The following ACYP2 variants were observed in gnomAD, a reference collection of about 807,000 sequenced individuals.
ACYP2 encodes acylphosphatase-2.
ACYP2 carries 12 observed loss-of-function variants against 11.2 expected under a neutral mutation model. That is an observed-to-expected ratio of 1.08 (90% confidence interval 0.69 to 1.74). ACYP2 has a LOEUF of 1.74. Among genes scored for constraint, ACYP2 ranks in the 40% most tolerant of loss-of-function variants. The pLI is 0.00. For missense variants in ACYP2, 134 were observed against 101.9 expected (o/e 1.31, Z -1.35); for synonymous variants, 43 against 32.2 (o/e 1.33, Z -1.13).
At chr2:54,284,229 C>T (rs1392246291) in intron 6 of ACYP2, among the ~76,000 whole-genome samples, 1 of 152,198 alleles carries the variant, frequency 6.6e-6, no homozygotes, top group Non-Finnish European at 1.5e-5. Context: ...CCAAAGCAGG[C>T]TCCATAAACG....
At chr2:54,016,175 C>T (rs1336593016) in intron 2 of ACYP2, among the ~76,000 whole-genome samples, 1 of 151,858 alleles carries the variant, frequency 6.6e-6, no homozygotes, top group Admixed American at 6.6e-5. Context: ...TGTCTGTCTG[C>T]TCAGTTTCCA....
chr2:54,249,365 G>A (rs1687102766), intron 6 of ACYP2, among the ~76,000 whole-genome samples: 2 of 151,454 alleles, frequency 1.3e-5, no homozygotes, highest in South Asian at 2.1e-4. Context: ...TCCTACCTCG[G>A]TGGAGCTTGC....
At chr2:54,209,333 A>G (rs1685227838) in intron 6 of ACYP2, among the ~76,000 whole-genome samples, 1 of 152,004 alleles carries the variant, frequency 6.6e-6, no homozygotes, top group South Asian at 2.1e-4. Context: ...TTCATGTTTT[A>G]TTTTCTCTGG....
chr2:54,113,753 G>A (rs897914793), intron 4 of ACYP2, among the ~76,000 whole-genome samples: 2 of 152,172 alleles, frequency 1.3e-5, no homozygotes, highest in Non-Finnish European at 2.9e-5. Context: ...CCCAAGAGAA[G>A]AGGTTCTTTG....
At chr2:54,000,226 T>C (rs975882587) in intron 2 of ACYP2, among the ~76,000 whole-genome samples, 6 of 152,118 alleles carry the variant, frequency 3.9e-5, no homozygotes, top group Non-Finnish European at 8.8e-5. Context: ...CCATCAAATT[T>C]AGAAAAAGCT....
intron 4 of ACYP2, chr2:54,080,296 T>G (rs1211071560): frequency 6.6e-6 from 1 of 152,288 alleles, no homozygotes; most frequent in African/African-American, 2.4e-5. Context: ...GCAAGGACCC[T>G]AAAAACAATA....
chr2:54,275,425 C>G (rs1688510562), intron 6 of ACYP2, among the ~76,000 whole-genome samples: 1 of 152,180 alleles, frequency 6.6e-6, no homozygotes, highest in African/African-American at 2.4e-5. Context: ...GTAAAAATCT[C>G]ATCAGTATGC....
intron 6 of ACYP2, among the ~76,000 whole-genome samples, chr2:54,184,492 T>C (rs76148622): frequency 0.022 from 3,383 of 152,198 alleles, 116 homozygotes; most frequent in African/African-American, 0.072. Context: ...GTTTTCATGC[T>C]TAAGCTAGTT....
intron 4 of ACYP2, among the ~76,000 whole-genome samples, chr2:54,083,192 A>T (rs762973424): frequency 1.3e-5 from 2 of 152,124 alleles, no homozygotes; most frequent in Non-Finnish European, 2.9e-5. Flanking sequence ...CAGCAACAGG[A>T]TCTGTTATTG....
chr2:54,202,706 C>CTTTTTTTTTTTTTTTTTTTTTTTTTTTTT (rs70944152), intron 6 of ACYP2, among the ~76,000 whole-genome samples: 1 of 43,056 alleles, frequency 2.3e-5, no homozygotes, highest in African/African-American at 8.6e-5. Flanking sequence ...CGGCGCCTGG[C>CTTTTTTTTTTTTTTTTTTTTTTTTTTTTT]TTTTTTTTTT....
intron 6 of ACYP2, among the ~76,000 whole-genome samples, chr2:54,202,697 G>A (rs13032125): frequency 0.049 from 6,371 of 130,292 alleles, 192 homozygotes; most frequent in Middle Eastern, 0.087. Flanking sequence ...TGTGAGCCAC[G>A]GCGCCTGGCT....
At chr2:54,178,567 A>C (rs1683573759) in intron 6 of ACYP2, among the ~76,000 whole-genome samples, 1 of 152,240 alleles carries the variant, frequency 6.6e-6, no homozygotes, top group African/African-American at 2.4e-5. Flanking sequence ...TGGTGTAAAC[A>C]GTACTTTTAC....
At chr2:54,265,249 G>A (rs201631812) in intron 6 of ACYP2, among the ~76,000 whole-genome samples, 1 of 152,306 alleles carries the variant, frequency 6.6e-6, no homozygotes, top group East Asian at 1.9e-4. Context: ...CAATCTTGGT[G>A]GAAGGCAAGG....
intron 2 of ACYP2, among the ~76,000 whole-genome samples, chr2:53,976,329 T>C (rs1671486637): frequency 6.6e-6 from 1 of 152,176 alleles, no homozygotes; most frequent in Admixed American, 6.5e-5. Flanking sequence ...CACTTTGGCC[T>C]CCCAAGTAGC....
At chr2:54,133,340 T>G (rs1201851185) in intron 4 of ACYP2, among the ~76,000 whole-genome samples, 6 of 152,234 alleles carry the variant, frequency 3.9e-5, no homozygotes, top group African/African-American at 1.4e-4. Context: ...TGCATGCTAT[T>G]CCGTTGTGTG....
chr2:54,114,994 A>G (rs1679668445), intron 4 of ACYP2, among the ~76,000 whole-genome samples: 2 of 151,738 alleles, frequency 1.3e-5, no homozygotes, highest in Admixed American at 6.6e-5. Flanking sequence ...TCAAAAGCCA[A>G]TCTTGCTGGG....
In ACYP2 at chr2:54,158,885, GA is replaced by G. The variant is rs1682569601; in HGVS notation, c.404+20141del. Among the ~76,000 whole-genome samples, 24 of 152,228 alleles carry G rather than the reference GA, an allele frequency of 1.6e-4. No individual in the cohort carries two copies. In the South Asian group the frequency reaches 5.0e-3, roughly 32 times the overall value. The stretch of plus-strand genomic sequence containing the variant: ...AAAATCACCCATAAACCTACCGTTT[GA>G]AAACAAATTTGGACAATATTTTGAT... On this transcript the variant is annotated intron_variant, in intron 6 of 6. Transcript: ENST00000607452.
intron 4 of ACYP2, among the ~76,000 whole-genome samples, chr2:54,061,145 C>A (rs914759320): frequency 6.6e-6 from 1 of 152,172 alleles, no homozygotes; most frequent in Admixed American, 6.5e-5. Context: ...CACAAGCCAC[C>A]ATGTCTGGCC....
At chr2:54,304,464 A>G (rs1558681374) in intron 6 of ACYP2, among the ~76,000 whole-genome samples, 2 of 152,088 alleles carry the variant, frequency 1.3e-5, no homozygotes, top group Admixed American at 1.3e-4. Flanking sequence ...TCAGGAATTG[A>G]CTGTGCTTAA....
Sources: gnomAD v4.1 joint callset for allele counts (sites outside exome capture counted in the v4.1 genomes callset) on GRCh38, gnomAD v4.1.1 for gene constraint, MANE v1.5 for transcripts, NCBI Gene and HGNC (gene_info 2026-07-23, HGNC 2026-07-21) for gene names.